Variants in PRKN observed in about 807,000 individuals in gnomAD.
PRKN encodes E3 ubiquitin-protein ligase parkin.
PRKN carries 56 observed loss-of-function variants against 59.5 expected under a neutral mutation model. The ratio of observed to expected loss-of-function variants is 0.94; its 90% CI spans 0.76 to 1.18. The LOEUF (loss-of-function observed/expected upper bound fraction) is 1.18. Among genes scored for constraint, PRKN ranks in the 50% most tolerant of loss-of-function variants. The pLI is 0.00. For synonymous variants in PRKN, 250 were observed against 222.1 expected (o/e 1.13, Z -1.12); for missense variants, 657 against 596.4 (o/e 1.10, Z -1.06).
At chr6:162,611,229 G>A (rs1222553925) in intron 1 of PRKN, among the ~76,000 whole-genome samples, 3 of 152,124 alleles carry the variant, frequency 2.0e-5, no homozygotes, top group Non-Finnish European at 2.9e-5. Flanking sequence ...GGGGTTTCTC[G>A]AGCCTTGTTC....
intron 3 of PRKN, among the ~76,000 whole-genome samples, chr6:162,243,328 C>A (rs547092467): frequency 6.6e-6 from 1 of 152,076 alleles, no homozygotes; most frequent in African/African-American, 2.4e-5. Context: ...AAGAAGCCAT[C>A]AAATTACATT....
rs148848514 is a variant in PRKN, at chr6:161,557,103, G to A, written c.934-8100C>T. Reference sequence around the variant, plus strand: ...TCTGAACCTAAGGAAAACAATAACTGTTTTTCTCCTGTATTTTATCAGATT... The same window carrying A: ...TCTGAACCTAAGGAAAACAATAACTATTTTTCTCCTGTATTTTATCAGATT... On this transcript the variant is annotated intron_variant, in intron 8 of 11. Transcript: ENST00000366898. Among the ~76,000 whole-genome samples the A allele has an allele frequency of 4.9e-4, 75 of 152,168 alleles. No individual in the cohort carries two copies. In the East Asian group the frequency reaches 0.014, roughly 29 times the overall value.
At chr6:162,572,119 C>T (rs988415719) in intron 1 of PRKN, among the ~76,000 whole-genome samples, 1 of 152,144 alleles carries the variant, frequency 6.6e-6, no homozygotes, top group Non-Finnish European at 1.5e-5. Flanking sequence ...TCTATTACCC[C>T]CTTTAGGTAC....
intron 1 of PRKN, among the ~76,000 whole-genome samples, chr6:162,557,651 A>G (rs1263578856): frequency 6.6e-6 from 1 of 152,066 alleles, no homozygotes; most frequent in African/African-American, 2.4e-5. Flanking sequence ...TGGGATTATC[A>G]GGCGCCCGCC....
chr6:161,461,328 A>G lies in PRKN; in HGVS notation c.1084-74451T>C, dbSNP rs553455318. The stretch of plus-strand genomic sequence containing the variant: ...GAGGGGGATGGTGGAGAGGGAGGGT[A>G]GGTGGAAGATGAGGCCAGAGGGTCC... On this transcript the variant is annotated intron_variant, in intron 9 of 11. Transcript: ENST00000366898. The surrounding 1 kb of genome is among the most constrained non-coding windows in gnomAD (Gnocchi z 5.1). 6.6e-6 allele frequency among the ~76,000 whole-genome samples: 1 copy of G among 152,270 alleles called. No homozygotes were observed. The highest frequency in any genetic ancestry group is 2.4e-5 in the African/African-American group (1 of 41,554).
chr6:161,584,901 TGGCTGTATTA>T lies in PRKN; in HGVS notation c.872-15495_872-15486del, dbSNP rs1222254387. Among the ~76,000 whole-genome samples, 4 of 152,216 alleles carry T rather than the reference TGGCTGTATTA, an allele frequency of 2.6e-5. No individual in the cohort carries two copies. The highest frequency in any genetic ancestry group is 9.6e-5 in the African/African-American group (4 of 41,452). On this transcript the variant is annotated intron_variant, in intron 7 of 11. Coordinates refer to ENST00000366898, the MANE Select transcript of PRKN (RefSeq NM_004562.3). This position sits in a 1 kb window ranked among gnomAD's most constrained non-coding sequence, Gnocchi z 4.8. ...AACAGCACAAGCCTGGCTGCCGGGATGGCTGTATTAGCAATGCAGTGCTATTTCATAAAGA... is the reference window on the plus strand; with the variant it reads ...AACAGCACAAGCCTGGCTGCCGGGATGCAATGCAGTGCTATTTCATAAAGA...
intron 2 of PRKN, among the ~76,000 whole-genome samples, chr6:162,352,367 C>T (rs1294547394): frequency 6.6e-6 from 1 of 152,154 alleles, no homozygotes; most frequent in African/African-American, 2.4e-5. Flanking sequence ...CTTAAGCATA[C>T]AACAGAAAAG....
intron 7 of PRKN, among the ~76,000 whole-genome samples, chr6:161,718,036 C>T (rs966687012): frequency 3.3e-5 from 5 of 152,154 alleles, no homozygotes; most frequent in African/African-American, 7.2e-5. Flanking sequence ...CTAGCTACTA[C>T]GTATCACTAA....
intron 5 of PRKN, among the ~76,000 whole-genome samples, chr6:162,033,653 T>C (rs1783725525): frequency 6.6e-6 from 1 of 152,198 alleles, no homozygotes; most frequent in East Asian, 1.9e-4. Flanking sequence ...TCCCAGAGGT[T>C]CTCTTGTAGT....
At chr6:162,673,370 A>T (rs1433289511) in intron 1 of PRKN, among the ~76,000 whole-genome samples, 1 of 152,176 alleles carries the variant, frequency 6.6e-6, no homozygotes, top group Non-Finnish European at 1.5e-5. Context: ...CACTTTGAAA[A>T]AAAACAGAAG....
intron 9 of PRKN, among the ~76,000 whole-genome samples, chr6:161,476,651 G>C (rs1420842493): frequency 6.6e-6 from 1 of 152,170 alleles, no homozygotes; most frequent in African/African-American, 2.4e-5. Context: ...AGGAAGTCAG[G>C]GCAGCCGGGA....
In PRKN at chr6:162,270,991, G is replaced by C. The variant is rs184861617; in HGVS notation, c.172-8226C>G. ...TGAGTTGCTGAGACTACAGGCACAC[G>C]CCACTACACCTAGCTAATTTTCTAG... is the stretch of plus-strand genomic sequence containing the variant. On this transcript the variant is annotated intron_variant, in intron 2 of 11. Transcript: ENST00000366898. 3.2e-4 allele frequency among the ~76,000 whole-genome samples: 47 copies of C among 148,422 alleles called. 1 individual carries two copies. The highest frequency in any genetic ancestry group is 1.1e-3 in the African/African-American group (44 of 39,792).
rs1448211828 is a variant in PRKN at position 161,484,461 on chromosome 6, T to C, written c.1083+64393A>G. Among the ~76,000 whole-genome samples, 1 of 152,212 alleles carries C rather than the reference T, an allele frequency of 6.6e-6. No homozygotes were observed. Among genetic ancestry groups the C allele is most frequent in the African/African-American group, 2.4e-5 (1 of 41,454 alleles). ...GTTAGGGAGCGTCCCAAGTGCTTAG[T>C]AAGCATCGATTAGTTTCATTTTTAC... On this transcript the variant is annotated intron_variant, in intron 9 of 11. Transcript: ENST00000366898. The surrounding 1 kb of genome is among the most constrained non-coding windows in gnomAD (Gnocchi z 4.9).
At chr6:162,452,136 A>C (rs1305124894) in intron 1 of PRKN, among the ~76,000 whole-genome samples, 1 of 152,220 alleles carries the variant, frequency 6.6e-6, no homozygotes, top group Non-Finnish European at 1.5e-5. Flanking sequence ...TCAATGCAGA[A>C]GTTTATATCC....
At chr6:161,855,669 T>G (rs1383613011) in intron 6 of PRKN, among the ~76,000 whole-genome samples, 1 of 152,216 alleles carries the variant, frequency 6.6e-6, no homozygotes, top group Admixed American at 6.5e-5. Flanking sequence ...CTTTATTGTA[T>G]TTTTTCCATT....
chr6:162,141,824 T>C (rs187967327), intron 4 of PRKN, among the ~76,000 whole-genome samples: 11 of 152,272 alleles, frequency 7.2e-5, no homozygotes, highest in African/African-American at 2.6e-4. Flanking sequence ...CATTGTCCCA[T>C]TTGATGGAAG....
rs1787886634 is a variant in PRKN at position 161,417,113 on chromosome 6, T to C, written c.1084-30236A>G. ...CAAGAGCAAGAAGAGAGCTTGCTTG[T>C]GGGTCCAGAGTTTCTGATGGCAGCG... On this transcript the variant is annotated intron_variant, in intron 9 of 11. Coordinates refer to ENST00000366898, the MANE Select transcript of PRKN (RefSeq NM_004562.3). This position sits in a 1 kb window ranked among gnomAD's most constrained non-coding sequence, Gnocchi z 5.4. 6.6e-6 allele frequency among the ~76,000 whole-genome samples: 1 copy of C among 152,176 alleles called. No homozygotes were observed.
At position 161,459,006 on chromosome 6, in the gene PRKN, A is replaced by G. The variant is rs1329422024; in HGVS notation, c.1084-72129T>C. 2.6e-5 allele frequency among the ~76,000 whole-genome samples: 4 copies of G among 152,238 alleles called. No individual in the cohort carries two copies. Among genetic ancestry groups the G allele is most frequent in the Middle Eastern group, 6.8e-3 (2 of 294 alleles). ...AGGGAAGACAGGAATGAAAACCATG[A>G]TAGTATCCAGGAGGGATTTTAAGGC... On this transcript the variant is annotated intron_variant, in intron 9 of 11. Coordinates refer to ENST00000366898, the MANE Select transcript of PRKN (RefSeq NM_004562.3). This position sits in a 1 kb window ranked among gnomAD's most constrained non-coding sequence, Gnocchi z 4.8.
intron 1 of PRKN, among the ~76,000 whole-genome samples, chr6:162,540,773 C>T (rs1245211079): frequency 6.7e-6 from 1 of 149,744 alleles, no homozygotes; most frequent in East Asian, 2.0e-4. Context: ...CGCCATTGCA[C>T]TCCAGCCTGG....
Sources: gnomAD v4.1 joint callset for allele counts (sites outside exome capture counted in the v4.1 genomes callset) on GRCh38, gnomAD v4.1.1 for gene constraint, Gnocchi (gnomAD v3.1) non-coding constraint, MANE v1.5 for transcripts, NCBI Gene and HGNC (gene_info 2026-07-23, HGNC 2026-07-21) for gene names.